The following PDZD2 variants were observed in gnomAD, a reference collection of about 807,000 sequenced individuals.
PDZD2 encodes PDZ domain containing 2.
A neutral mutation model predicts 220.7 loss-of-function variants in PDZD2; 90 were observed. The observed-to-expected ratio is 0.41, with a 90% CI of 0.34 to 0.49. PDZD2 has a LOEUF of 0.49. Among genes scored for constraint, PDZD2 ranks in the 20% least tolerant of loss-of-function variants. The pLI, the probability that PDZD2 is intolerant of heterozygous loss-of-function variation, is 0.28. For synonymous variants in PDZD2, 1,375 were observed against 1,450.5 expected, an observed-to-expected ratio of 0.95 and a Z score of 1.18; for missense variants, 3,174 against 3,608.5, an observed-to-expected ratio of 0.88 and a Z score of 3.08.
At chr5:31,942,383 A>G (rs901140557) in intron 2 of PDZD2, among the ~76,000 whole-genome samples, 4 of 150,940 alleles carry the variant, frequency 2.7e-5, no homozygotes, top group African/African-American at 7.3e-5. Context: ...GCTTATGGGC[A>G]TGTGTGTGTG....
At chr5:31,654,617 C>T (rs926966291) in intron 1 of PDZD2, among the ~76,000 whole-genome samples, 1 of 152,152 alleles carries the variant, frequency 6.6e-6, no homozygotes, top group Non-Finnish European at 1.5e-5. Context: ...TGATTCCCAC[C>T]CTGCCCCTTC....
rs1180676855 is a variant in PDZD2, at chr5:32,090,109, A to G, written c.6661A>G (p.Arg2221Gly). The change falls in exon 20 of 25, where the codon AGG (arginine) becomes GGG (glycine). Residue 2221 changes from arginine (R) to glycine (G), a missense_variant. Arg to Gly is a moderately radical substitution (Grantham distance 125). This residue lies in a region of PDZD2 where 631 missense variants were observed against 789.9 expected (regional missense o/e 0.80). Coordinates refer to ENST00000438447, the MANE Select transcript of PDZD2 (RefSeq NM_178140.4). The surrounding 1 kb of genome is among the most constrained non-coding windows in gnomAD (Gnocchi z 4.3). ...CTACTTCACCCCAAGGCCAGCGACC[A>G]GGACCTACTCCATGCCAGCCCAGTT... is the stretch of plus-strand genomic sequence containing the variant. ...HLYFTPRPAT[R>G]TYSMPAQFSS... The G allele has an allele frequency of 6.2e-7, 1 of 1,613,748 alleles. No homozygotes were observed. Among genetic ancestry groups the G allele is most frequent in the East Asian group, 2.2e-5 (1 of 44,890 alleles).
chr5:31,954,265 T>C (rs1275795357), intron 2 of PDZD2, among the ~76,000 whole-genome samples: 2 of 152,248 alleles, frequency 1.3e-5, no homozygotes, highest in African/African-American at 2.4e-5. Flanking sequence ...GATTGCATGA[T>C]TTCCTCAACG....
At chr5:31,910,493 C>T (rs1317752906) in intron 2 of PDZD2, among the ~76,000 whole-genome samples, 2 of 149,658 alleles carry the variant, frequency 1.3e-5, no homozygotes, top group Admixed American at 6.7e-5. Flanking sequence ...TGGGTTCAAG[C>T]GATTCTCTTG....
intron 2 of PDZD2, among the ~76,000 whole-genome samples, chr5:31,957,401 G>A (rs1385528193): frequency 6.6e-6 from 1 of 152,112 alleles, no homozygotes; most frequent in African/African-American, 2.4e-5. Context: ...CAGTGCCTGG[G>A]GTGTTACGGG....
At chr5:31,649,370 C>T (rs1189375228) in intron 1 of PDZD2, among the ~76,000 whole-genome samples, 3 of 151,698 alleles carry the variant, frequency 2.0e-5, no homozygotes, top group Admixed American at 6.6e-5. Flanking sequence ...CACCAAGTTC[C>T]GTCCCATATC....
At chr5:31,902,822 C>T (rs896901079) in intron 2 of PDZD2, among the ~76,000 whole-genome samples, 4 of 151,296 alleles carry the variant, frequency 2.6e-5, no homozygotes, top group Admixed American at 6.6e-5. Flanking sequence ...AGCCAGATCA[C>T]GCCACTGCAC....
chr5:31,888,015 T>G (rs1740674470), intron 2 of PDZD2, among the ~76,000 whole-genome samples: 1 of 152,100 alleles, frequency 6.6e-6, no homozygotes, highest in Non-Finnish European at 1.5e-5. Context: ...TACAACCCTA[T>G]TTTTCGAGCC....
intron 2 of PDZD2, among the ~76,000 whole-genome samples, chr5:31,926,688 T>A (rs1744809807): frequency 6.6e-6 from 1 of 152,164 alleles, no homozygotes; most frequent in South Asian, 2.1e-4. Flanking sequence ...AAAACAGAAC[T>A]ACCATTCAAC....
chr5:31,828,687 G>C (rs1756377941), intron 2 of PDZD2, among the ~76,000 whole-genome samples: 1 of 152,170 alleles, frequency 6.6e-6, no homozygotes, highest in Admixed American at 6.5e-5. Context: ...TTTTTGTAGA[G>C]ACAGGGTCTT....
chr5:32,023,864 A>T (rs1754413191), intron 6 of PDZD2, among the ~76,000 whole-genome samples: 1 of 152,254 alleles, frequency 6.6e-6, no homozygotes, highest in African/African-American at 2.4e-5. Flanking sequence ...TAACTCCAGA[A>T]ACAAACAATT....
At chr5:31,914,797 C>G (rs1407275045) in intron 2 of PDZD2, among the ~76,000 whole-genome samples, 1 of 152,230 alleles carries the variant, frequency 6.6e-6, no homozygotes, top group East Asian at 1.9e-4. Context: ...TGTATAGGAC[C>G]ACTTCTTAAC....
intron 2 of PDZD2, among the ~76,000 whole-genome samples, chr5:31,932,399 A>G (rs755503564): frequency 1.2e-4 from 18 of 152,164 alleles, no homozygotes; most frequent in Admixed American, 6.5e-4. Context: ...AAATACAAAA[A>G]TTAGCTAGGC....
At chr5:31,954,196 T>G (rs1163839254) in intron 2 of PDZD2, among the ~76,000 whole-genome samples, 1 of 152,240 alleles carries the variant, frequency 6.6e-6, no homozygotes, top group Admixed American at 6.5e-5. Context: ...CTCAGTCTGC[T>G]TCTCCACCAC....
intron 9 of PDZD2, 37 bp from the exon 10 acceptor site, chr5:32,053,732 C>A: frequency 8.9e-7 from 1 of 1,128,198 alleles, no homozygotes; most frequent in Non-Finnish European, 1.4e-6. Context: ...TTAAATACCA[C>A]ACTGTCAACC....
chr5:32,048,854 T>C (rs1738237115), intron 8 of PDZD2, among the ~76,000 whole-genome samples, 170 bp downstream of exon 8: 1 of 152,118 alleles, frequency 6.6e-6, no homozygotes, highest in African/African-American at 2.4e-5. Flanking sequence ...AGCCTAATAC[T>C]TGAAAATAGT....
At chr5:31,922,731 T>C (rs998911422) in intron 2 of PDZD2, among the ~76,000 whole-genome samples, 2 of 152,100 alleles carry the variant, frequency 1.3e-5, no homozygotes, top group Non-Finnish European at 2.9e-5. Context: ...GGCAGTGGCT[T>C]GATCTGGGTT....
intron 2 of PDZD2, among the ~76,000 whole-genome samples, chr5:31,818,184 C>T (rs1417185320): frequency 2.0e-5 from 3 of 152,006 alleles, no homozygotes; most frequent in Non-Finnish European, 2.9e-5. Context: ...GTTACCAAGG[C>T]TGGTGTTGAA....
intron 1 of PDZD2, among the ~76,000 whole-genome samples, chr5:31,699,224 C>T (rs1185631984): frequency 6.6e-6 from 1 of 151,832 alleles, no homozygotes; most frequent in African/African-American, 2.4e-5. Flanking sequence ...GGTACTGGGG[C>T]AGGGAAAAAG....
Sources: gnomAD v4.1 joint callset for allele counts (sites outside exome capture counted in the v4.1 genomes callset) on GRCh38, gnomAD v4.1.1 for gene constraint, gnomAD v4.1.1 regional missense constraint, Gnocchi (gnomAD v3.1) non-coding constraint, MANE v1.5 for transcripts, NCBI Gene and HGNC (gene_info 2026-07-23, HGNC 2026-07-21) for gene names.